Variants in NR2F1-AS1 observed in about 807,000 individuals in gnomAD.
NR2F1-AS1 encodes the protein NR2F1 antisense RNA 1.
At chr5:93,580,986 T>C (rs1753014557), upstream of NR2F1-AS1, 1 of 152,278 alleles carries the variant, frequency 6.6e-6, no homozygotes, top group Non-Finnish European at 1.5e-5. Context: ...TATTCTGCTC[T>C]TTAAAATCAT....
At chr5:93,470,520 A>G (rs925309070) in intron 4 of NR2F1-AS1, among the ~76,000 whole-genome samples, 1 of 150,784 alleles carries the variant, frequency 6.6e-6, no homozygotes, top group Non-Finnish European at 1.5e-5. Flanking sequence ...TAGCATATCT[A>G]TATATATATA....
intron 4 of NR2F1-AS1, among the ~76,000 whole-genome samples, chr5:93,515,470 C>T (rs980028598): frequency 3.3e-5 from 5 of 151,874 alleles, no homozygotes; most frequent in Non-Finnish European, 4.4e-5. Context: ...AGATCACATA[C>T]CTCTCCTTAG....
rs529203905 is a variant in NR2F1-AS1, at chr5:93,464,405, T to C, written n.639-68863A>G. Among the ~76,000 whole-genome samples the C allele has an allele frequency of 2.0e-5, 3 of 152,320 alleles. No individual in the cohort carries two copies. In the East Asian group the frequency reaches 5.8e-4, roughly 29 times the overall value. On this transcript the variant is annotated intron_variant and non_coding_transcript_variant, in intron 4 of 5. Coordinates refer to ENST00000660523, the Ensembl canonical transcript of NR2F1-AS1. ...ACGGACTAATACAACCACAAAGCCCTTTATTTACTAGAAAATTAGAAAATG... is the reference window on the plus strand; with the variant it reads ...ACGGACTAATACAACCACAAAGCCCCTTATTTACTAGAAAATTAGAAAATG...
chr5:93,564,947 C>T (rs1434796762), intron 1 of NR2F1-AS1, among the ~76,000 whole-genome samples: 1 of 152,100 alleles, frequency 6.6e-6, no homozygotes, highest in Non-Finnish European at 1.5e-5. Flanking sequence ...TATTGTAACC[C>T]TATAAGCAGC....
chr5:93,435,544 C>G (rs1376980521), intron 4 of NR2F1-AS1, among the ~76,000 whole-genome samples: 3 of 152,114 alleles, frequency 2.0e-5, no homozygotes, highest in Non-Finnish European at 4.4e-5. Flanking sequence ...ATGATAGTAG[C>G]CCCTTTGCTT....
At chr5:93,549,670 T>C (rs983862529) in intron 4 of NR2F1-AS1, among the ~76,000 whole-genome samples, 4 of 152,186 alleles carry the variant, frequency 2.6e-5, no homozygotes, top group Non-Finnish European at 5.9e-5. Flanking sequence ...AATGACTGAA[T>C]TTTGTGCAGG....
intron 4 of NR2F1-AS1, among the ~76,000 whole-genome samples, chr5:93,453,996 A>G (rs1290919003): frequency 6.6e-6 from 1 of 152,222 alleles, no homozygotes; most frequent in Non-Finnish European, 1.5e-5. Flanking sequence ...AGATAAAGGT[A>G]CTGGGTGCAG....
intron 4 of NR2F1-AS1, among the ~76,000 whole-genome samples, chr5:93,492,861 C>G (rs1750882016): frequency 6.7e-6 from 1 of 150,084 alleles, no homozygotes; most frequent in Non-Finnish European, 1.5e-5. Context: ...AAAAAAAACA[C>G]TCACAAACTA....
At chr5:93,482,626 G>A (rs2149875799) in intron 4 of NR2F1-AS1, among the ~76,000 whole-genome samples, 1 of 152,218 alleles carries the variant, frequency 6.6e-6, no homozygotes, top group African/African-American at 2.4e-5. Flanking sequence ...TGTAAAGGCG[G>A]CTAAAGCCAG....
intron 4 of NR2F1-AS1, among the ~76,000 whole-genome samples, chr5:93,429,737 T>C (rs1749270571): frequency 6.6e-6 from 1 of 152,266 alleles, no homozygotes; most frequent in African/African-American, 2.4e-5. Context: ...AGAAAGAATA[T>C]GGTAAAGAAT....
At chr5:93,442,862 C>A (rs576681495) in intron 4 of NR2F1-AS1, among the ~76,000 whole-genome samples, 2 of 152,340 alleles carry the variant, frequency 1.3e-5, no homozygotes, top group African/African-American at 4.8e-5. Context: ...AAGGATCAGG[C>A]AGCAACATTT....
At chr5:93,565,063 G>GA (rs1340199645) in intron 1 of NR2F1-AS1, among the ~76,000 whole-genome samples, 4 of 151,692 alleles carry the variant, frequency 2.6e-5, no homozygotes, top group Non-Finnish European at 5.9e-5. Context: ...AGAATAATCA[G>GA]AAAAAAAATG....
At chr5:93,412,537 A>G (rs1309483771) in intron 4 of NR2F1-AS1, among the ~76,000 whole-genome samples, 1 of 152,124 alleles carries the variant, frequency 6.6e-6, no homozygotes, top group Non-Finnish European at 1.5e-5. Flanking sequence ...CACTGACTTT[A>G]CTCTACATTG....
chr5:93,515,437 T>G (rs1027634192), intron 4 of NR2F1-AS1, among the ~76,000 whole-genome samples: 1 of 151,938 alleles, frequency 6.6e-6, no homozygotes, highest in African/African-American at 2.4e-5. Context: ...TTTTTCTATT[T>G]CTCTCAAATG....
chr5:93,453,264 C>T (rs528782125), intron 4 of NR2F1-AS1, among the ~76,000 whole-genome samples: 5 of 151,818 alleles, frequency 3.3e-5, no homozygotes, highest in African/African-American at 1.2e-4. Context: ...CTACCCAGAA[C>T]AAAACACAAG....
At chr5:93,516,033 C>T (rs1377328482) in intron 4 of NR2F1-AS1, among the ~76,000 whole-genome samples, 1 of 151,876 alleles carries the variant, frequency 6.6e-6, no homozygotes, top group Non-Finnish European at 1.5e-5. Context: ...GGAGCAAAGA[C>T]AATTTGTGCC....
At chr5:93,523,268 C>A (rs1213758340) in intron 4 of NR2F1-AS1, among the ~76,000 whole-genome samples, 1 of 152,168 alleles carries the variant, frequency 6.6e-6, no homozygotes, top group Non-Finnish European at 1.5e-5. Flanking sequence ...GGCAGTACAG[C>A]AAAGCCACTG....
chr5:93,510,034 C>T (rs919008065), intron 4 of NR2F1-AS1, among the ~76,000 whole-genome samples: 3 of 151,880 alleles, frequency 2.0e-5, no homozygotes, highest in South Asian at 2.1e-4. Context: ...AAAGATCCAA[C>T]CAAAATATCT....
intron 2 of NR2F1-AS1, among the ~76,000 whole-genome samples, chr5:93,555,387 T>TGGAA (rs1366751054): frequency 6.6e-6 from 1 of 152,080 alleles, no homozygotes; most frequent in East Asian, 1.9e-4. Context: ...GCATTCTTAG[T>TGGAA]GGAAATAAGG....
Sources: gnomAD v4.1 joint callset for allele counts (sites outside exome capture counted in the v4.1 genomes callset) on GRCh38, gnomAD v4.1.1 for gene constraint, MANE v1.5 for transcripts, NCBI Gene and HGNC (gene_info 2026-07-23, HGNC 2026-07-21) for gene names.